Variants in PAK5 observed in about 807,000 individuals in gnomAD.
PAK5 encodes the protein serine/threonine-protein kinase PAK 5.
Under a neutral mutation model 65.9 loss-of-function variants are expected in PAK5, and 16 were observed. The ratio of observed to expected loss-of-function variants is 0.24; its 90% CI spans 0.16 to 0.37. PAK5 has a LOEUF of 0.37. Ranked by LOEUF, PAK5 falls within the 10% of genes least tolerant of loss-of-function variation. The pLI, the probability that PAK5 is intolerant of heterozygous loss-of-function variation, is 1.00. For synonymous variants in PAK5, 371 were observed against 354.9 expected, an observed-to-expected ratio of 1.05 and a Z score of -0.51; for missense variants, 785 against 903.9, an observed-to-expected ratio of 0.87 and a Z score of 1.69.
chr20:9,810,860 T>C (rs1600399204), intron 1 of PAK5, among the ~76,000 whole-genome samples: 2 of 152,114 alleles, frequency 1.3e-5, no homozygotes, highest in African/African-American at 2.4e-5. Context: ...CATAGACACA[T>C]AGACATATAT....
chr20:9,713,588 A>T (rs1425629897), intron 1 of PAK5, among the ~76,000 whole-genome samples: 1 of 151,932 alleles, frequency 6.6e-6, no homozygotes, highest in Non-Finnish European at 1.5e-5. Context: ...TGCTATTCAT[A>T]ATGGCCAAGA....
At position 9,539,508 on chromosome 20, in the gene PAK5, G is replaced by T; in HGVS notation, c.2114C>A (p.Pro705Gln). 6.2e-7 allele frequency: 1 copy of T among 1,613,978 alleles called. No homozygotes were observed. Among genetic ancestry groups the T allele is most frequent in the Non-Finnish European group, 8.5e-7 (1 of 1,179,914 alleles). ...LGHPFLKLAGPPSCIVPLMRQ... is the reference protein window; with the variant it reads ...LGHPFLKLAGQPSCIVPLMRQ... ...CATGAGGGGGACGATGCAAGACGGT[G>T]GACCTGCTAGTTTTAAGAATGGATG... Residue 705 changes from proline (P) to glutamine (Q), a missense_variant, in exon 10 of 10, where the codon CCA becomes CAA. By Grantham distance (76) the Pro-to-Gln change is moderately conservative (BLOSUM62 -1). Coordinates refer to ENST00000353224, the MANE Select transcript of PAK5 (RefSeq NM_177990.4).
chr20:9,656,970 T>C (rs1397893567), intron 2 of PAK5, among the ~76,000 whole-genome samples: 1 of 152,218 alleles, frequency 6.6e-6, no homozygotes, highest in Non-Finnish European at 1.5e-5. Flanking sequence ...TTGTACATCT[T>C]ACATAGTTAG....
intron 2 of PAK5, among the ~76,000 whole-genome samples, chr20:9,710,564 C>T (rs981401245): frequency 6.6e-6 from 1 of 152,128 alleles, no homozygotes. Context: ...CATCCCTAAG[C>T]CAAGTCAGCA....
intron 3 of PAK5, among the ~76,000 whole-genome samples, chr20:9,613,536 T>A (rs1402008239): frequency 6.6e-6 from 1 of 152,164 alleles, no homozygotes; most frequent in East Asian, 1.9e-4. Context: ...GTTCTCACAG[T>A]GACTATCAGA....
At chr20:9,727,503 AT>A (rs1296045859) in intron 1 of PAK5, among the ~76,000 whole-genome samples, 1 of 152,102 alleles carries the variant, frequency 6.6e-6, no homozygotes, top group Non-Finnish European at 1.5e-5. Flanking sequence ...TTGTCCCAAT[AT>A]TTTTAGTATC....
chr20:9,747,619 T>C (rs1168184602), intron 1 of PAK5, among the ~76,000 whole-genome samples: 1 of 151,852 alleles, frequency 6.6e-6, no homozygotes, highest in Non-Finnish European at 1.5e-5. Flanking sequence ...GAAAAGGCCT[T>C]TGACAAAATT....
rs1421678100 is a variant in PAK5, at chr20:9,722,401, A to C, written c.-161-10966T>G. Reference sequence around the variant, plus strand: ...TTACACCTCGTGTAATCACGAGGTCAGGAGATCGAGACCATCCTGGCTAAC... The same window carrying C: ...TTACACCTCGTGTAATCACGAGGTCCGGAGATCGAGACCATCCTGGCTAAC... On this transcript the variant is annotated intron_variant, in intron 1 of 9. Transcript: ENST00000353224. Among the ~76,000 whole-genome samples the C allele has an allele frequency of 2.6e-5, 4 of 152,078 alleles. No homozygotes were observed. The East Asian group carries it at 5.9e-4, about 22-fold the overall frequency.
chr20:9,681,529 G>T (rs1457223113), intron 2 of PAK5, among the ~76,000 whole-genome samples: 1 of 151,972 alleles, frequency 6.6e-6, no homozygotes, highest in African/African-American at 2.4e-5. Flanking sequence ...CTATTAGCTA[G>T]ATAATTGCAT....
At position 9,835,111 on chromosome 20, in the gene PAK5, A is replaced by G. The variant is rs897912563; in HGVS notation, c.-162+3651T>C. ...CTATACTAGAAAAGAAAAACCTTCT[A>G]AAAATCAGATCTTGAAGTTGGCACA... On this transcript the variant is annotated intron_variant, in intron 1 of 9. Transcript: ENST00000353224. Among the ~76,000 whole-genome samples the G allele has an allele frequency of 2.0e-5, 3 of 152,240 alleles. No homozygotes were observed. In the East Asian group the frequency reaches 5.8e-4, roughly 29 times the overall value.
rs756136167 is a variant in PAK5, at chr20:9,542,746, C to G, written c.1870-26G>C. On this transcript the variant is annotated intron_variant, in intron 8 of 9. Coordinates refer to ENST00000353224, the MANE Select transcript of PAK5 (RefSeq NM_177990.4). ...CTGTTAGGCACACCCTACTGGTTAT[C>G]TCAGGCAAGGAGAACATTCTGAAAT... The G allele has an allele frequency of 1.6e-5, 25 of 1,608,206 alleles. No homozygotes were observed. The East Asian group carries it at 1.6e-4, about 10-fold the overall frequency.
intron 1 of PAK5, among the ~76,000 whole-genome samples, chr20:9,752,244 G>T (rs1211860656): frequency 6.6e-6 from 1 of 152,132 alleles, no homozygotes; most frequent in Admixed American, 6.5e-5. Context: ...AACAGAAGGG[G>T]TTTGATAGGT....
intron 4 of PAK5, 52 bp downstream of exon 4, chr20:9,580,093 A>T: frequency 6.8e-7 from 1 of 1,463,720 alleles, no homozygotes; most frequent in Non-Finnish European, 9.3e-7. Context: ...TGCCAGCACC[A>T]CCCCTGTGGA....
intron 1 of PAK5, among the ~76,000 whole-genome samples, chr20:9,759,697 T>C (rs1253538382): frequency 1.3e-5 from 2 of 152,132 alleles, no homozygotes; most frequent in Non-Finnish European, 2.9e-5. Context: ...CCTGGTCCCA[T>C]GCATGGGGCT....
intron 9 of PAK5, among the ~76,000 whole-genome samples, chr20:9,540,831 G>A (rs374851582): frequency 2.0e-5 from 3 of 151,606 alleles, no homozygotes; most frequent in South Asian, 4.2e-4. Context: ...CTGCCTCCCA[G>A]GTTCACGCCA....
intron 3 of PAK5, among the ~76,000 whole-genome samples, chr20:9,584,359 C>T (rs539187831): frequency 1.3e-5 from 2 of 152,310 alleles, no homozygotes; most frequent in East Asian, 3.9e-4. Context: ...GTCACCCAAG[C>T]TGGAGTGTAG....
intron 7 of PAK5, among the ~76,000 whole-genome samples, chr20:9,556,717 CCTTG>C (rs1205413660): frequency 6.6e-6 from 1 of 152,130 alleles, no homozygotes; most frequent in Non-Finnish European, 1.5e-5. Flanking sequence ...CAGCAGAATC[CCTTG>C]CACAGGTTGC....
chr20:9,552,954 T>A (rs1434911612), intron 7 of PAK5, among the ~76,000 whole-genome samples: 2 of 152,116 alleles, frequency 1.3e-5, no homozygotes, highest in Non-Finnish European at 2.9e-5. Flanking sequence ...CTTGAACTAC[T>A]GGGCTCAAGC....
In PAK5 at chr20:9,685,257, G is replaced by A. The variant is rs116489916; in HGVS notation, c.-12+26029C>T. Among the ~76,000 whole-genome samples the A allele has an allele frequency of 7.7e-3, 1,176 of 152,286 alleles. 17 individuals are homozygous for A. The highest frequency in any genetic ancestry group is 0.026 in the African/African-American group (1,066 of 41,566). The stretch of plus-strand genomic sequence containing the variant: ...TTCCCCCTTGGTGACTGGTGTCTGA[G>A]TGGGTTCTTCTAAAGTTCATATTTT... On this transcript the variant is annotated intron_variant, in intron 2 of 9. Coordinates refer to ENST00000353224, the MANE Select transcript of PAK5 (RefSeq NM_177990.4).
Sources: gnomAD v4.1 joint callset for allele counts (sites outside exome capture counted in the v4.1 genomes callset) on GRCh38, gnomAD v4.1.1 for gene constraint, MANE v1.5 for transcripts, NCBI Gene and HGNC (gene_info 2026-07-23, HGNC 2026-07-21) for gene names.